The following MAML2 variants were observed in gnomAD, a reference collection of about 807,000 sequenced individuals.
The protein encoded by MAML2 is mastermind like transcriptional coactivator 2.
MAML2 carries 22 observed loss-of-function variants against 96.1 expected under a neutral mutation model. The ratio of observed to expected loss-of-function variants is 0.23; its 90% confidence interval spans 0.16 to 0.33. The LOEUF (loss-of-function observed/expected upper bound fraction) is 0.33. Among genes scored for constraint, MAML2 ranks in the 10% least tolerant of loss-of-function variants. The pLI, the probability that MAML2 is intolerant of heterozygous loss-of-function variation, is 1.00. For synonymous variants in MAML2, 561 were observed against 521.3 expected, an observed-to-expected ratio of 1.08 and a Z score of -1.04; for missense variants, 1,367 against 1,392.4, an observed-to-expected ratio of 0.98 and a Z score of 0.29.
In MAML2 at chr11:96,092,767, G is replaced by T; in HGVS notation, c.1264C>A (p.Arg422=). 1 of 1,613,546 alleles carries T rather than the reference G, an allele frequency of 6.2e-7. No homozygotes were observed. ...AQPQTGSGAS[R]ALPSWQEVSH... ...ACTTCCTGCCAGCTTGGCAAGGCCCGGCTTGCTCCGGAGCCTGTCTGAGGC... is the reference window on the plus strand; with the variant it reads ...ACTTCCTGCCAGCTTGGCAAGGCCCTGCTTGCTCCGGAGCCTGTCTGAGGC... Residue 422 remains arginine, a synonymous_variant, in exon 2 of 5, where the codon CGG becomes AGG. Transcript: ENST00000524717. The surrounding 1 kb of genome is among the most constrained non-coding windows in gnomAD (Gnocchi z 4.1).
intron 1 of MAML2, among the ~76,000 whole-genome samples, chr11:96,165,123 A>G (rs1234083741): frequency 6.6e-6 from 1 of 152,132 alleles, no homozygotes. Context: ...TATGCACAAT[A>G]TTTTTCAGAT....
intron 1 of MAML2, among the ~76,000 whole-genome samples, chr11:96,182,580 G>A (rs1861503633): frequency 6.6e-6 from 1 of 152,110 alleles, no homozygotes; most frequent in Non-Finnish European, 1.5e-5. Flanking sequence ...GCTAAGCACA[G>A]ACTGGCTAGT....
chr11:96,066,174 G>T (rs1206211457), intron 2 of MAML2, among the ~76,000 whole-genome samples: 2 of 152,164 alleles, frequency 1.3e-5, no homozygotes, highest in Admixed American at 6.5e-5. Flanking sequence ...TAAGCCCAAG[G>T]CTGGCCCTTC....
intron 1 of MAML2, among the ~76,000 whole-genome samples, chr11:96,113,420 A>G (rs1288574529): frequency 6.6e-6 from 1 of 152,122 alleles, no homozygotes; most frequent in Admixed American, 6.5e-5. Flanking sequence ...ATCTCATTAC[A>G]TCAAGTAAAA....
At chr11:96,165,247 A>C (rs946104514) in intron 1 of MAML2, among the ~76,000 whole-genome samples, 6 of 152,170 alleles carry the variant, frequency 3.9e-5, no homozygotes, top group Non-Finnish European at 8.8e-5. Flanking sequence ...AGTGAGCATC[A>C]GAATCACCTT....
intron 1 of MAML2, among the ~76,000 whole-genome samples, chr11:96,238,085 T>C (rs1021540560): frequency 1.5e-4 from 23 of 152,230 alleles, no homozygotes; most frequent in Non-Finnish European, 3.1e-4. Context: ...CAGCTGGTGT[T>C]CTAAAGAGAA....
chr11:96,291,138 T>TG (rs1863203213), intron 1 of MAML2, among the ~76,000 whole-genome samples: 1 of 144,416 alleles, frequency 6.9e-6, no homozygotes, highest in African/African-American at 2.6e-5. Context: ...TTTTTTTTTT[T>TG]TTTTGAGATG....
At chr11:96,340,634 G>C (rs552299962) in intron 1 of MAML2, among the ~76,000 whole-genome samples, 3 of 152,310 alleles carry the variant, frequency 2.0e-5, no homozygotes, top group Admixed American at 2.0e-4. Context: ...CTAGGATGAT[G>C]ATCTGTGTAA....
At chr11:96,042,063 A>G (rs61903870) in intron 2 of MAML2, among the ~76,000 whole-genome samples, 60,104 of 145,206 alleles carry the variant, frequency 0.41, 12,781 homozygotes, top group East Asian at 0.8. Flanking sequence ...TGCAAGCTCC[A>G]CCTCCCGGGT....
At chr11:96,319,960 G>A (rs1437960110) in intron 1 of MAML2, among the ~76,000 whole-genome samples, 1 of 152,168 alleles carries the variant, frequency 6.6e-6, no homozygotes, top group Non-Finnish European at 1.5e-5. Context: ...TCTGAATTTG[G>A]CAAAGTACCT....
At chr11:96,223,958 A>G (rs958923044) in intron 1 of MAML2, among the ~76,000 whole-genome samples, 2 of 152,202 alleles carry the variant, frequency 1.3e-5, no homozygotes, top group African/African-American at 4.8e-5. Flanking sequence ...TTGACAATCT[A>G]TGTGTATGAT....
At chr11:96,127,826 T>C (rs1381988316) in intron 1 of MAML2, among the ~76,000 whole-genome samples, 4 of 152,230 alleles carry the variant, frequency 2.6e-5, no homozygotes, top group Non-Finnish European at 5.9e-5. Context: ...CAGCTGTTCC[T>C]GCTGACTTCC....
At chr11:96,160,642 G>A (rs934283274) in intron 1 of MAML2, among the ~76,000 whole-genome samples, 1 of 152,084 alleles carries the variant, frequency 6.6e-6, no homozygotes, top group African/African-American at 2.4e-5. Context: ...TGGCCAGGCT[G>A]GTCTCGAACT....
At chr11:96,208,896 TGAAG>T (rs1861930070) in intron 1 of MAML2, among the ~76,000 whole-genome samples, 1 of 152,128 alleles carries the variant, frequency 6.6e-6, no homozygotes, top group Admixed American at 6.5e-5. Flanking sequence ...CTTCTGGAAA[TGAAG>T]GACACATTTA....
chr11:95,984,549 A>G (rs1857796090), intron 4 of MAML2, among the ~76,000 whole-genome samples: 1 of 152,180 alleles, frequency 6.6e-6, no homozygotes, highest in Non-Finnish European at 1.5e-5. Flanking sequence ...CTGCCTCCAG[A>G]ATAGCTGGGA....
intron 1 of MAML2, among the ~76,000 whole-genome samples, chr11:96,153,952 T>TAA (rs1555016902): frequency 0.1 from 14,835 of 141,532 alleles, 789 homozygotes; most frequent in Middle Eastern, 0.13. Context: ...TAAATAAATA[T>TAA]GATAAAACAA....
chr11:96,221,531 G>C (rs1366053790), intron 1 of MAML2, among the ~76,000 whole-genome samples: 2 of 152,120 alleles, frequency 1.3e-5, no homozygotes, highest in Non-Finnish European at 2.9e-5. Context: ...TCTGGGGAAA[G>C]CAGGAAATAT....
At chr11:96,234,017 T>G (rs1862333986) in intron 1 of MAML2, among the ~76,000 whole-genome samples, 1 of 152,210 alleles carries the variant, frequency 6.6e-6, no homozygotes, top group Non-Finnish European at 1.5e-5. Flanking sequence ...CCATCCTATA[T>G]TTAAGTCTTG....
chr11:96,060,371 A>C (rs16922976), intron 2 of MAML2, among the ~76,000 whole-genome samples: 2,132 of 152,318 alleles, frequency 0.014, 51 homozygotes, highest in East Asian at 0.09. Context: ...GTGTTATTTA[A>C]AATGACTTCC....
Sources: allele counts gnomAD v4.1 joint callset (sites outside exome capture counted in the v4.1 genomes callset), GRCh38; gene constraint gnomAD v4.1.1; non-coding constraint Gnocchi (gnomAD v3.1); transcripts MANE v1.5; gene names NCBI Gene and HGNC (gene_info 2026-07-23, HGNC 2026-07-21).